The following DOCK1 variants were observed in gnomAD, a reference collection of about 807,000 sequenced individuals.
DOCK1 encodes the protein dedicator of cytokinesis protein 1.
In DOCK1, 138 loss-of-function variants were observed where a neutral mutation model predicts 262.7. That is an observed-to-expected ratio of 0.53 (90% CI 0.46 to 0.61). The LOEUF is 0.61. Among genes scored for constraint, DOCK1 ranks in the 20% least tolerant of loss-of-function variants. The pLI is 0.00. For synonymous variants in DOCK1, 866 were observed against 867.4 expected (o/e 1.00, Z 0.03); for missense variants, 1,908 against 2,370.7 (o/e 0.80, Z 4.05).
At chr10:127,358,886 G>A (rs956569458) in intron 32 of DOCK1, among the ~76,000 whole-genome samples, 2 of 152,144 alleles carry the variant, frequency 1.3e-5, no homozygotes, top group South Asian at 2.1e-4. Flanking sequence ...CCTTGGCTTC[G>A]TGAGAAAACA....
intron 1 of DOCK1, among the ~76,000 whole-genome samples, chr10:126,931,239 T>G (rs890580045): frequency 6.6e-6 from 1 of 152,144 alleles, no homozygotes; most frequent in African/African-American, 2.4e-5. Flanking sequence ...GAGACATGGA[T>G]AGAAGCCAGG....
At chr10:127,186,081 G>A (rs1443879943) in intron 27 of DOCK1, among the ~76,000 whole-genome samples, 1 of 152,162 alleles carries the variant, frequency 6.6e-6, no homozygotes, top group Non-Finnish European at 1.5e-5. Context: ...AAACTCAGTT[G>A]TCTAATCTGC....
intron 25 of DOCK1, among the ~76,000 whole-genome samples, chr10:127,118,771 C>A (rs768492707): frequency 1.3e-5 from 2 of 152,184 alleles, no homozygotes; most frequent in African/African-American, 4.8e-5. Context: ...AAGGTACTGT[C>A]GGGCAGCTTG....
chr10:127,070,627 C>A (rs928937149), intron 23 of DOCK1, among the ~76,000 whole-genome samples: 3 of 151,580 alleles, frequency 2.0e-5, no homozygotes, highest in African/African-American at 2.4e-5. Context: ...AGTTCACTGG[C>A]AGGTCAGTGG....
chr10:127,210,769 G>A (rs2057938769), intron 27 of DOCK1, among the ~76,000 whole-genome samples: 1 of 152,092 alleles, frequency 6.6e-6, no homozygotes, highest in Admixed American at 6.5e-5. Flanking sequence ...TCAGCCTCAT[G>A]AAGTTTAAAG....
chr10:127,385,731 A>C (rs987737387), intron 38 of DOCK1, among the ~76,000 whole-genome samples: 2 of 152,212 alleles, frequency 1.3e-5, no homozygotes, highest in African/African-American at 4.8e-5. Flanking sequence ...TGAAGGCTGC[A>C]GGGGAAAATC....
chr10:127,048,974 A>G (rs1301507844), intron 21 of DOCK1, among the ~76,000 whole-genome samples: 2 of 152,184 alleles, frequency 1.3e-5, no homozygotes, highest in African/African-American at 4.8e-5. Context: ...TCTTCTTACT[A>G]TATCTGTTTA....
At chr10:127,423,822 C>T (rs80254738) in intron 46 of DOCK1, among the ~76,000 whole-genome samples, 5,986 of 152,210 alleles carry the variant, frequency 0.039, 177 homozygotes, top group South Asian at 0.078. Flanking sequence ...ACTTCAAATA[C>T]GGCCCATCAG....
intron 23 of DOCK1, among the ~76,000 whole-genome samples, chr10:127,093,462 C>G (rs1302743704): frequency 6.6e-6 from 1 of 151,632 alleles, no homozygotes; most frequent in Non-Finnish European, 1.5e-5. Context: ...AAGTAATCGT[C>G]CTACCTCAGC....
At chr10:127,181,809 T>A (rs1018760042) in intron 27 of DOCK1, among the ~76,000 whole-genome samples, 1 of 152,118 alleles carries the variant, frequency 6.6e-6, no homozygotes, top group Non-Finnish European at 1.5e-5. Flanking sequence ...CATTGTGAAA[T>A]AGTTAACTTA....
At chr10:126,949,702 A>G (rs2036019066) in intron 1 of DOCK1, among the ~76,000 whole-genome samples, 1 of 152,162 alleles carries the variant, frequency 6.6e-6, no homozygotes, top group Non-Finnish European at 1.5e-5. Context: ...GGGGAAAAGT[A>G]TTACTCAAGA....
chr10:127,361,189 C>T (rs1275741137), intron 32 of DOCK1, among the ~76,000 whole-genome samples: 2 of 144,158 alleles, frequency 1.4e-5, no homozygotes, highest in African/African-American at 5.2e-5. Flanking sequence ...TCTTGGCTCA[C>T]TGCGACCTCT....
chr10:126,989,004 C>T (rs1170245258), intron 5 of DOCK1, among the ~76,000 whole-genome samples: 1 of 148,846 alleles, frequency 6.7e-6, no homozygotes, highest in Admixed American at 6.8e-5. Flanking sequence ...TCCTGGAAGG[C>T]GGAGGTTGCA....
intron 38 of DOCK1, among the ~76,000 whole-genome samples, chr10:127,395,431 G>T (rs1301073789): frequency 6.6e-6 from 1 of 152,108 alleles, no homozygotes; most frequent in Admixed American, 6.5e-5. Context: ...ACCTTCGAAG[G>T]CCTCATCTCC....
chr10:126,999,332 T>G (rs757212513), intron 8 of DOCK1, 22 bp from the exon 9 acceptor site: 2 of 1,603,658 alleles, frequency 1.2e-6, no homozygotes, highest in South Asian at 2.2e-5. Flanking sequence ...ATTAACTTGC[T>G]TTTATTTCTC....
chr10:127,324,008 C>T (rs929244959), intron 29 of DOCK1, among the ~76,000 whole-genome samples: 2 of 152,330 alleles, frequency 1.3e-5, no homozygotes, highest in South Asian at 2.1e-4. Context: ...AGAGCTGGTT[C>T]TTGGTTCTTG....
chr10:127,040,424 G>T (rs2043943408), intron 19 of DOCK1, among the ~76,000 whole-genome samples: 1 of 152,194 alleles, frequency 6.6e-6, no homozygotes, highest in African/African-American at 2.4e-5. Flanking sequence ...AAGGGTCTCT[G>T]ATCTCATGCT....
chr10:126,973,657 C>T (rs1043610194), intron 2 of DOCK1, among the ~76,000 whole-genome samples: 1 of 152,166 alleles, frequency 6.6e-6, no homozygotes, highest in African/African-American at 2.4e-5. Flanking sequence ...TGAATCTAAT[C>T]AGAGAAATGC....
chr10:126,923,106 T>C (rs977048945), intron 1 of DOCK1, among the ~76,000 whole-genome samples: 27 of 152,154 alleles, frequency 1.8e-4, no homozygotes, highest in African/African-American at 6.3e-4. Context: ...CGAAACTCCA[T>C]CTAAAAAAAT....
Sources: gnomAD v4.1 joint callset for allele counts (sites outside exome capture counted in the v4.1 genomes callset) on GRCh38, gnomAD v4.1.1 for gene constraint, MANE v1.5 for transcripts, NCBI Gene and HGNC (gene_info 2026-07-23, HGNC 2026-07-21) for gene names.